Variants in MAP4K4 observed in about 807,000 individuals in gnomAD.
MAP4K4 encodes the protein HPK/GCK-like kinase HGK.
A neutral mutation model predicts 189.6 loss-of-function variants in MAP4K4; 38 were observed. That is an observed-to-expected ratio of 0.20 (90% CI 0.15 to 0.26). MAP4K4 has a LOEUF of 0.26. Ranked by LOEUF, MAP4K4 falls within the 10% of genes least tolerant of loss-of-function variation. The probability of loss-of-function intolerance (pLI) is 1.00; values close to 1 mark genes in which losing one functional copy is unlikely to be tolerated. For synonymous variants in MAP4K4, 610 were observed against 624.3 expected (o/e 0.98, Z 0.34); for missense variants, 1,054 against 1,726.9 (o/e 0.61, Z 6.91).
At chr2:101,879,062 G>A (rs2098296523) in intron 27 of MAP4K4, among the ~76,000 whole-genome samples, 1 of 151,872 alleles carries the variant, frequency 6.6e-6, no homozygotes, top group Admixed American at 6.6e-5. Flanking sequence ...AGGTGCGGTG[G>A]CGTATGCCTG....
chr2:101,801,022 A>G (rs1396009538), intron 3 of MAP4K4, among the ~76,000 whole-genome samples: 2 of 72,566 alleles, frequency 2.8e-5, no homozygotes, highest in African/African-American at 1.6e-4. Context: ...TGTATAATCT[A>G]AATTGCTGTT....
chr2:101,839,196 C>T (rs893028883), intron 9 of MAP4K4, among the ~76,000 whole-genome samples: 6 of 152,172 alleles, frequency 3.9e-5, no homozygotes, highest in Admixed American at 3.3e-4. Context: ...CATGGAGAAA[C>T]AGGAAGAAGT....
chr2:101,808,464 G>A (rs901120913), intron 3 of MAP4K4, among the ~76,000 whole-genome samples: 2 of 151,908 alleles, frequency 1.3e-5, no homozygotes, highest in Non-Finnish European at 2.9e-5. Context: ...AGGCTTTTTG[G>A]CCCTTTGACT....
At chr2:101,870,986 A>G (rs1005717171) in intron 23 of MAP4K4, among the ~76,000 whole-genome samples, 5 of 152,224 alleles carry the variant, frequency 3.3e-5, no homozygotes, top group Admixed American at 6.5e-5. Flanking sequence ...ACTAAGCTTT[A>G]TAACTGTCTG....
chr2:101,791,231 T>C (rs1297097267), intron 3 of MAP4K4, among the ~76,000 whole-genome samples: 1 of 152,030 alleles, frequency 6.6e-6, no homozygotes, highest in South Asian at 2.1e-4. Flanking sequence ...TTCCCAGAGG[T>C]TGGAAAACAG....
In MAP4K4 at chr2:101,788,899, A is replaced by G. The variant is rs143380978; in HGVS notation, c.124-1821A>G. Among the ~76,000 whole-genome samples, 46 of 152,308 alleles carry G rather than the reference A, an allele frequency of 3.0e-4. No homozygotes were observed. In the East Asian group the frequency reaches 8.3e-3, roughly 28 times the overall value. On this transcript the variant is annotated intron_variant, in intron 2 of 32. Transcript: ENST00000324219. ...AAAAGAAAAAAAAAGATCCTACTCT[A>G]TAAATGTCTGAGGAGGCTTTTTCAT...
At chr2:101,700,320 A>G (rs1052360956) in intron 2 of MAP4K4, among the ~76,000 whole-genome samples, 1 of 152,102 alleles carries the variant, frequency 6.6e-6, no homozygotes, top group Admixed American at 6.6e-5. Flanking sequence ...ATTCCCCGCA[A>G]CCTTCCCGAG....
At chr2:101,869,882 T>C in intron 22 of MAP4K4, 85 bp downstream of exon 22, 17 of 1,443,374 alleles carry the variant, frequency 1.2e-5, no homozygotes, top group Admixed American at 2.9e-5. Context: ...CCTAGACTAT[T>C]CCGTGACCCC....
chr2:101,864,235 C>T (rs1199897162), intron 17 of MAP4K4, among the ~76,000 whole-genome samples, 184 bp downstream of exon 17: 1 of 152,086 alleles, frequency 6.6e-6, no homozygotes, highest in Non-Finnish European at 1.5e-5. Context: ...AGCCAGTGGT[C>T]AGTTAGCGTT....
chr2:101,823,612 C>A (rs1054174317), intron 3 of MAP4K4, among the ~76,000 whole-genome samples: 2 of 152,116 alleles, frequency 1.3e-5, no homozygotes, highest in Admixed American at 1.3e-4. Context: ...CTGAACAAAC[C>A]GAGGCTCAGA....
At chr2:101,732,595 A>AT (rs1479787017) in intron 2 of MAP4K4, among the ~76,000 whole-genome samples, 7 of 150,834 alleles carry the variant, frequency 4.6e-5, no homozygotes, top group South Asian at 2.1e-4. Flanking sequence ...CTCCTTTTTT[A>AT]TTTTTTTTGA....
intron 12 of MAP4K4, among the ~76,000 whole-genome samples, chr2:101,847,463 A>G (rs964789056): frequency 1.4e-4 from 22 of 152,214 alleles, no homozygotes; most frequent in Admixed American, 1.3e-3. Flanking sequence ...AAGACTCTCC[A>G]ATGGGACAAG....
intron 2 of MAP4K4, among the ~76,000 whole-genome samples, chr2:101,757,758 G>A (rs544491707): frequency 2.0e-5 from 3 of 152,338 alleles, no homozygotes; most frequent in South Asian, 2.1e-4. Context: ...GGTGGCTCAC[G>A]CCTGTAATGC....
At chr2:101,703,884 G>A (rs894206831) in intron 2 of MAP4K4, among the ~76,000 whole-genome samples, 2 of 151,966 alleles carry the variant, frequency 1.3e-5, no homozygotes, top group Non-Finnish European at 2.9e-5. Context: ...GGTGGCGCGT[G>A]CCTCTAGTCC....
intron 3 of MAP4K4, among the ~76,000 whole-genome samples, chr2:101,817,105 A>G (rs2095775710): frequency 6.6e-6 from 1 of 152,054 alleles, no homozygotes; most frequent in South Asian, 2.1e-4. Context: ...CTCCTCCTCA[A>G]TGCATTCATT....
At chr2:101,792,627 C>CCTCCTCCTCCTT (rs1409824368) in intron 3 of MAP4K4, among the ~76,000 whole-genome samples, 4 of 141,546 alleles carry the variant, frequency 2.8e-5, no homozygotes, top group African/African-American at 1.0e-4. Context: ...TCCTCCTCCT[C>CCTCCTCCTCCTT]CTTCTTCTTT....
At chr2:101,721,167 G>C (rs2051672514) in intron 2 of MAP4K4, among the ~76,000 whole-genome samples, 1 of 152,118 alleles carries the variant, frequency 6.6e-6, no homozygotes, top group Admixed American at 6.5e-5. Flanking sequence ...TTAAAAAAGA[G>C]AATAAAAACT....
chr2:101,723,209 G>A (rs1331383934), intron 2 of MAP4K4, among the ~76,000 whole-genome samples: 2 of 152,140 alleles, frequency 1.3e-5, no homozygotes, highest in Non-Finnish European at 2.9e-5. Context: ...AATTTATGGG[G>A]ATTACAATTC....
chr2:101,784,666 C>G (rs2089732237), intron 2 of MAP4K4, among the ~76,000 whole-genome samples: 1 of 152,014 alleles, frequency 6.6e-6, no homozygotes. Flanking sequence ...GATGTTCTTT[C>G]TTTATTCAAG....
Sources: allele counts gnomAD v4.1 joint callset (sites outside exome capture counted in the v4.1 genomes callset), GRCh38; gene constraint gnomAD v4.1.1; transcripts MANE v1.5; gene names NCBI Gene and HGNC (gene_info 2026-07-23, HGNC 2026-07-21).